CNIH3: variants seen among roughly 807,000 people sequenced by gnomAD.
The protein encoded by CNIH3 is protein cornichon homolog 3.
Under a neutral mutation model 24.1 loss-of-function variants are expected in CNIH3, and 14 were observed. The observed-to-expected ratio is 0.58, with a 90% CI of 0.38 to 0.91. The LOEUF (loss-of-function observed/expected upper bound fraction) is 0.91, where lower values mean the gene tolerates loss of function less well. Ranked by LOEUF, CNIH3 falls within the 40% of genes least tolerant of loss-of-function variation. The pLI, the probability that CNIH3 is intolerant of heterozygous loss-of-function variation, is 0.00. For synonymous variants in CNIH3, 68 were observed against 73.8 expected (o/e 0.92, Z 0.40); for missense variants, 178 against 196.8 (o/e 0.90, Z 0.57).
chr1:224,653,587 TCTC>T (rs1454079775), intron 1 of CNIH3, among the ~76,000 whole-genome samples: 4 of 152,242 alleles, frequency 2.6e-5, no homozygotes, highest in African/African-American at 4.8e-5. Flanking sequence ...TTTACATACT[TCTC>T]CTGTGAAGAA....
downstream of CNIH3, among the ~76,000 whole-genome samples, chr1:224,540,599 A>G (rs1325909222): frequency 6.6e-6 from 1 of 152,260 alleles, no homozygotes; most frequent in Non-Finnish European, 1.5e-5. Flanking sequence ...AGATAATTTA[A>G]GAAGCATTAA....
At chr1:224,582,846 T>C (rs1168319302) in intron 4 of CNIH3, among the ~76,000 whole-genome samples, 1 of 152,216 alleles carries the variant, frequency 6.6e-6, no homozygotes, top group Non-Finnish European at 1.5e-5. Context: ...AAAAAGAATT[T>C]GCCTTTGTTG....
intron 5 of CNIH3, among the ~76,000 whole-genome samples, chr1:224,738,059 A>T (rs115533004): frequency 6.6e-6 from 1 of 151,912 alleles, no homozygotes; most frequent in Non-Finnish European, 1.5e-5. Flanking sequence ...GTTATTTATG[A>T]TTTACTTGTT....
At chr1:224,683,988 C>G (rs1038801639) in intron 2 of CNIH3, among the ~76,000 whole-genome samples, 1 of 152,170 alleles carries the variant, frequency 6.6e-6, no homozygotes, top group African/African-American at 2.4e-5. Flanking sequence ...ATGAAGTGTC[C>G]CAGCCACCTG....
intron 2 of CNIH3, among the ~76,000 whole-genome samples, chr1:224,525,970 T>C (rs1048644372): frequency 5.9e-5 from 9 of 152,172 alleles, no homozygotes; most frequent in African/African-American, 2.2e-4. Flanking sequence ...GCCTGAGCTA[T>C]GTGCTACCAC....
intron 1 of CNIH3, among the ~76,000 whole-genome samples, chr1:224,650,513 T>C (rs1320825596): frequency 6.6e-6 from 1 of 151,960 alleles, no homozygotes; most frequent in Non-Finnish European, 1.5e-5. Flanking sequence ...TCACACAGGA[T>C]AGCAGCCCCT....
At chr1:224,593,243 T>A (rs963212180), downstream of CNIH3, among the ~76,000 whole-genome samples, 11 of 150,658 alleles carry the variant, frequency 7.3e-5, no homozygotes, top group African/African-American at 2.7e-4. Context: ...GCAACCTCCA[T>A]CTCCCAGGCT....
upstream of CNIH3, among the ~76,000 whole-genome samples, chr1:224,511,946 C>A (rs953553370): frequency 2.0e-5 from 3 of 151,734 alleles, no homozygotes; most frequent in Admixed American, 6.6e-5. Context: ...GAGGCTGAGG[C>A]GGGTGGATCA....
chr1:224,700,650 C>T (rs1002854344), intron 3 of CNIH3, among the ~76,000 whole-genome samples: 8 of 152,148 alleles, frequency 5.3e-5, no homozygotes, highest in African/African-American at 1.9e-4. Context: ...GCAAAGTTAT[C>T]CTCAGTAAAG....
At chr1:224,468,784 C>T (rs1676247004) in intron 1 of CNIH3, among the ~76,000 whole-genome samples, 1 of 149,888 alleles carries the variant, frequency 6.7e-6, no homozygotes, top group Admixed American at 6.6e-5. Context: ...ATGCCACTGC[C>T]ACTGCACTCC....
intron 2 of CNIH3, among the ~76,000 whole-genome samples, chr1:224,530,941 A>G (rs1224555437): frequency 6.6e-6 from 1 of 152,132 alleles, no homozygotes; most frequent in African/African-American, 2.4e-5. Flanking sequence ...TTTCCATCAC[A>G]TCATTCCATG....
chr1:224,450,434 C>T (rs768009871), intron 1 of CNIH3, among the ~76,000 whole-genome samples: 11 of 152,098 alleles, frequency 7.2e-5, no homozygotes, highest in Non-Finnish European at 1.3e-4. Flanking sequence ...CTCAGGGGTA[C>T]CCTTGAGGCT....
At chr1:224,680,140 G>A (rs1686331603) in intron 1 of CNIH3, among the ~76,000 whole-genome samples, 1 of 152,080 alleles carries the variant, frequency 6.6e-6, no homozygotes, top group Non-Finnish European at 1.5e-5. Flanking sequence ...AGCACCCAAG[G>A]CTTCCACACC....
intron 1 of CNIH3, among the ~76,000 whole-genome samples, chr1:224,680,199 A>G (rs1050620535): frequency 1.3e-5 from 2 of 152,202 alleles, no homozygotes; most frequent in Admixed American, 1.3e-4. Flanking sequence ...TCTATTATTT[A>G]TTCCTTCTGT....
chr1:224,650,316 G>A (rs6672460), intron 1 of CNIH3, among the ~76,000 whole-genome samples: 7,053 of 152,132 alleles, frequency 0.046, 239 homozygotes, highest in East Asian at 0.15. Context: ...ATTTTTCCAC[G>A]GGATACAAGT....
chr1:224,541,924 C>G (rs1040964380), downstream of CNIH3, among the ~76,000 whole-genome samples: 31 of 152,184 alleles, frequency 2.0e-4, no homozygotes, highest in African/African-American at 7.2e-4. Flanking sequence ...CTCATGGCCC[C>G]TCCAATTCAA....
chr1:224,627,324 C>T (rs1373957810), intron 1 of CNIH3, among the ~76,000 whole-genome samples: 1 of 151,776 alleles, frequency 6.6e-6, no homozygotes. Flanking sequence ...CCCCCGGGTT[C>T]AAGCAATTCT....
chr1:224,593,834 A>T (rs1681865217), intron 3 of CNIH3, among the ~76,000 whole-genome samples: 1 of 152,220 alleles, frequency 6.6e-6, no homozygotes, highest in Non-Finnish European at 1.5e-5. Context: ...TGCTGTTCTT[A>T]TCAAGATAAT....
chr1:224,541,574 A>G (rs1346129683), downstream of CNIH3, among the ~76,000 whole-genome samples: 1 of 152,226 alleles, frequency 6.6e-6, no homozygotes, highest in Non-Finnish European at 1.5e-5. Flanking sequence ...GCAAAAATGC[A>G]TGATTTCCTA....
Sources: gnomAD v4.1 joint callset for allele counts (sites outside exome capture counted in the v4.1 genomes callset) on GRCh38, gnomAD v4.1.1 for gene constraint, MANE v1.5 for transcripts, NCBI Gene and HGNC (gene_info 2026-07-23, HGNC 2026-07-21) for gene names.